The following PUS7 variants were observed in gnomAD, a reference collection of about 807,000 sequenced individuals.
PUS7 encodes pseudouridylate synthase 7 homolog.
In PUS7, 48 loss-of-function variants were observed where a neutral mutation model predicts 79.8. That is an observed-to-expected ratio of 0.60 (90% CI 0.48 to 0.76). The LOEUF is 0.76. PUS7 is among the 30% of genes least tolerant of loss of function. The pLI, the probability that PUS7 is intolerant of heterozygous loss-of-function variation, is 0.00. For missense variants in PUS7, 729 were observed against 797.6 expected, an observed-to-expected ratio of 0.91 and a Z score of 1.04; for synonymous variants, 286 against 272.2, an observed-to-expected ratio of 1.05 and a Z score of -0.50.
At position 105,508,320 on chromosome 7, in the gene PUS7, C is replaced by CA; in HGVS notation, c.192dup (p.Val65CysfsTer11). Reference sequence around the variant, plus strand: ...TTCTTTCCACCTTTCCCAGTACTGACAGTGTCAGGAGGCCGAGGCACGTCT... The same window carrying CA: ...TTCTTTCCACCTTTCCCAGTACTGACAAGTGTCAGGAGGCCGAGGCACGTCT... On this transcript the variant is annotated frameshift_variant, in exon 2 of 16. Coordinates refer to ENST00000469408, the MANE Select transcript of PUS7 (RefSeq NM_019042.5). LOFTEE classifies it high-confidence loss of function. 1 of 1,614,136 alleles carries CA rather than the reference C, an allele frequency of 6.2e-7. No individual in the cohort carries two copies. The highest frequency in any genetic ancestry group is 8.5e-7 in the Non-Finnish European group (1 of 1,180,038).
Position 105,457,742 on chromosome 7 carries a change from G to A in PUS7, c.*48C>T. On this transcript the variant is annotated 3_prime_UTR_variant, in exon 16 of 16. Coordinates refer to ENST00000469408, the MANE Select transcript of PUS7 (RefSeq NM_019042.5). ...TAAGACAAAAATGCACAGGGAGCCA[G>A]GAAGCAAACACTTGTGTACGTTTTC... 1 of 1,588,342 alleles carries A rather than the reference G, an allele frequency of 6.3e-7. No homozygotes were observed. The highest frequency in any genetic ancestry group is 8.6e-7 in the Non-Finnish European group (1 of 1,164,744).
Position 105,457,888 on chromosome 7 carries a change from G to GT in PUS7, c.1887dup (p.Pro630ThrfsTer41). 1.2e-6 allele frequency: 2 copies of GT among 1,613,914 alleles called. No homozygotes were observed. The highest frequency in any genetic ancestry group is 1.7e-6 in the Non-Finnish European group (2 of 1,179,890). ...GCCATGGTGGCGTAAGTAGAAGGGGGTAGAGAAAAATCCATTTTCAGAGCC... is the reference window on the plus strand; with the variant it reads ...GCCATGGTGGCGTAAGTAGAAGGGGGTTAGAGAAAAATCCATTTTCAGAGCC... On this transcript the variant is annotated frameshift_variant, in exon 16 of 16. Coordinates refer to ENST00000469408, the MANE Select transcript of PUS7 (RefSeq NM_019042.5). LOFTEE classifies it high-confidence loss of function.
intron 14 of PUS7, among the ~76,000 whole-genome samples, chr7:105,459,887 G>A (rs1452625743): frequency 6.6e-6 from 1 of 152,022 alleles, no homozygotes; most frequent in African/African-American, 2.4e-5. Flanking sequence ...TGGGTAACAT[G>A]GTGAAACCCC....
intron 5 of PUS7, chr7:105,497,056 G>T: frequency 9.7e-7 from 1 of 1,025,686 alleles, no homozygotes; most frequent in Non-Finnish European, 1.2e-6. Flanking sequence ...ACATGCAAAT[G>T]ATCGCATGGT....
At chr7:105,496,210 T>C (rs1285222978) in intron 5 of PUS7, among the ~76,000 whole-genome samples, 1 of 70,554 alleles carries the variant, frequency 1.4e-5, no homozygotes, top group African/African-American at 6.0e-5. Flanking sequence ...TATATATATA[T>C]ATATATATAT....
At chr7:105,508,054 T>C (rs1825542447) in intron 2 of PUS7, 61 bp downstream of exon 2, 14 of 1,499,484 alleles carry the variant, frequency 9.3e-6, no homozygotes, top group African/African-American at 2.8e-5. Flanking sequence ...ATAAAGCTAA[T>C]TTCTTTCTAA....
In PUS7 at chr7:105,465,531, T is replaced by C. The variant is rs1304929878; in HGVS notation, c.1526-117A>G. The C allele has an allele frequency of 6.4e-6, 5 of 775,584 alleles. No homozygotes were observed. The Admixed American group carries it at 1.3e-4, about 21-fold the overall frequency. The allele number at this position is 775,584 out of a possible 1,614,324, so 48.0% of individuals were successfully genotyped here. On this transcript the variant is annotated intron_variant, in intron 12 of 15. Coordinates refer to ENST00000469408, the MANE Select transcript of PUS7 (RefSeq NM_019042.5). ...GAAGTACAAGTTGGTACAGGTTCAG[T>C]GACTTAAAAGCTTAAATTATGCCAG...
chr7:105,513,257 G>A (rs969596868), intron 1 of PUS7, among the ~76,000 whole-genome samples: 6 of 152,212 alleles, frequency 3.9e-5, no homozygotes, highest in Admixed American at 1.3e-4. Context: ...AGAACTCTCA[G>A]TAAGGAAGAA....
At chr7:105,496,992 A>G (rs1352779075) in intron 5 of PUS7, 1 of 1,192,722 alleles carries the variant, frequency 8.4e-7, no homozygotes, top group Admixed American at 2.6e-5. Flanking sequence ...GCACAGCATA[A>G]AGAGCACAAA....
chr7:105,508,418 T>G lies in PUS7; in HGVS notation c.95A>C (p.Lys32Thr). The change falls in exon 2 of 16, where the codon AAA becomes ACA. Residue 32 changes from lysine (K) to threonine (T), a missense_variant. Coordinates refer to ENST00000469408, the MANE Select transcript of PUS7 (RefSeq NM_019042.5). ...DSGVPVEETK[K>T]QKLSECSLTK... ...TAGACTGCATTCCGACAGCTTCTGT[T>G]TTTTTGTCTCTTCAACTGGGACTCC... 1 of 1,614,156 alleles carries G rather than the reference T, an allele frequency of 6.2e-7. No individual in the cohort carries two copies. Among genetic ancestry groups the G allele is most frequent in the Non-Finnish European group, 8.5e-7 (1 of 1,180,032 alleles).
chr7:105,518,862 G>T (rs937861584), intron 1 of PUS7, among the ~76,000 whole-genome samples: 14 of 151,854 alleles, frequency 9.2e-5, no homozygotes, highest in Non-Finnish European at 1.9e-4. Context: ...TCTGCCTCCC[G>T]GGTACACGAG....
In PUS7 at chr7:105,514,893, G is replaced by A. The variant is rs911086827; in HGVS notation, c.-32-6349C>T. Among the ~76,000 whole-genome samples, 10 of 151,498 alleles carry A rather than the reference G, an allele frequency of 6.6e-5. No individual in the cohort carries two copies. The East Asian group carries it at 7.9e-4, about 12-fold the overall frequency. ...TGCAAGCTCCGCCTCCTGGGCTCAC[G>A]CCATTCTCCTGCCTCAGCCTCCTCC... On this transcript the variant is annotated intron_variant, in intron 1 of 15. Coordinates refer to ENST00000469408, the MANE Select transcript of PUS7 (RefSeq NM_019042.5).
intron 1 of PUS7, among the ~76,000 whole-genome samples, chr7:105,510,854 TC>T (rs1371443571): frequency 1.3e-5 from 2 of 152,038 alleles, no homozygotes; most frequent in Admixed American, 6.6e-5. Context: ...AAAAACTTTT[TC>T]TATGTTAATT....
chr7:105,477,111 T>C (rs530409567), intron 9 of PUS7, among the ~76,000 whole-genome samples: 15 of 152,212 alleles, frequency 9.9e-5, no homozygotes, highest in Non-Finnish European at 2.1e-4. Context: ...CTTTTGTTTG[T>C]TGCCTGTGCT....
At chr7:105,487,347 T>A (rs1214858920) in intron 7 of PUS7, among the ~76,000 whole-genome samples, 2 of 152,228 alleles carry the variant, frequency 1.3e-5, no homozygotes, top group Non-Finnish European at 1.5e-5. Context: ...TCATACAATA[T>A]CTGGCCTTGT....
chr7:105,468,676 C>G (rs980936092), intron 11 of PUS7, among the ~76,000 whole-genome samples: 1 of 151,904 alleles, frequency 6.6e-6, no homozygotes, highest in African/African-American at 2.4e-5. Context: ...CACCACCACA[C>G]CTGTCTAATT....
At chr7:105,475,947 G>T (rs1285227439) in intron 9 of PUS7, among the ~76,000 whole-genome samples, 1 of 151,814 alleles carries the variant, frequency 6.6e-6, no homozygotes, top group African/African-American at 2.4e-5. Context: ...TACCATATTT[G>T]TTCTTTTGTT....
chr7:105,467,530 CT>C (rs1823707540), intron 12 of PUS7, among the ~76,000 whole-genome samples: 1 of 151,762 alleles, frequency 6.6e-6, no homozygotes, highest in Non-Finnish European at 1.5e-5. Flanking sequence ...ACCTCGTGAT[CT>C]GCCCGCCTTG....
chr7:105,517,640 C>A (rs925261373), intron 1 of PUS7, among the ~76,000 whole-genome samples: 3 of 152,178 alleles, frequency 2.0e-5, no homozygotes, highest in East Asian at 3.9e-4. Flanking sequence ...GGCATGTGTG[C>A]ATGTAGTCCC....
Sources: allele counts gnomAD v4.1 joint callset (sites outside exome capture counted in the v4.1 genomes callset), GRCh38; gene constraint gnomAD v4.1.1; transcripts MANE v1.5; gene names NCBI Gene and HGNC (gene_info 2026-07-23, HGNC 2026-07-21).